PCBP3: variants seen among roughly 807,000 people sequenced by gnomAD.
The protein encoded by PCBP3 is poly(rC) binding protein 3, also known as poly(rC)-binding protein 3.
A neutral mutation model predicts 52.7 loss-of-function variants in PCBP3; 25 were observed. That is an observed-to-expected ratio of 0.47 (90% CI 0.35 to 0.66). The LOEUF (loss-of-function observed/expected upper bound fraction) is 0.66, where lower values mean the gene tolerates loss of function less well. PCBP3 is among the 30% of genes least tolerant of loss of function. The pLI is 0.01. For synonymous variants in PCBP3, 162 were observed against 183.0 expected (o/e 0.89, Z 0.93); for missense variants, 391 against 490.3 (o/e 0.80, Z 1.91).
Position 45,940,016 on chromosome 21 carries a change from G to T in PCBP3, c.910-14G>T, listed in dbSNP as rs760260973. ...GGGCTGTTCTCTAAGAAATCCCCCC[G>T]TCCTTGTTTCTAGCTAATAGGCTGC... On this transcript the variant is annotated splice_polypyrimidine_tract_variant and intron_variant, in intron 16 of 17. Transcript: ENST00000681687. 6.2e-7 allele frequency: 1 copy of T among 1,610,512 alleles called. No homozygotes were observed. The highest frequency in any genetic ancestry group is 1.7e-5 in the Admixed American group (1 of 59,894).
chr21:45,917,255 A>C lies in PCBP3; in HGVS notation c.676-333A>C. 4.0e-6 allele frequency: 1 copy of C among 252,030 alleles called. No homozygotes were observed. The highest frequency in any genetic ancestry group is 6.9e-6 in the Non-Finnish European group (1 of 145,032). 15.6% of individuals were successfully genotyped at this position (252,030 alleles called of 1,614,324 possible). On this transcript the variant is annotated intron_variant, in intron 12 of 17. Transcript: ENST00000681687. The surrounding 1 kb of genome is among the most constrained non-coding windows in gnomAD (Gnocchi z 5.3). ...GACTGATTAAATTTTCAAAACCGTA[A>C]TAATTAGTGGAGACCTCTTACTGGG... is the stretch of plus-strand genomic sequence containing the variant.
Position 45,837,151 on chromosome 21 carries a change from A to G in PCBP3, c.-125-12810A>G, listed in dbSNP as rs925752059. 1.3e-5 allele frequency among the ~76,000 whole-genome samples: 2 copies of G among 152,244 alleles called. No individual in the cohort carries two copies. Among genetic ancestry groups the G allele is most frequent in the African/African-American group, 4.8e-5 (2 of 41,472 alleles). ...GCGCGGGTACCAATTCCCATCCCCC[A>G]GCAGCGTGTTAGCGCCACGGATGAT... On this transcript the variant is annotated intron_variant, in intron 4 of 17. Coordinates refer to ENST00000681687, the MANE Select transcript of PCBP3 (RefSeq NM_001384156.1). The surrounding 1 kb of genome is among the most constrained non-coding windows in gnomAD (Gnocchi z 4.1).
At chr21:45,650,946 G>A (rs1372564682) in intron 1 of PCBP3, among the ~76,000 whole-genome samples, 1 of 152,078 alleles carries the variant, frequency 6.6e-6, no homozygotes, top group African/African-American at 2.4e-5. Context: ...TCCTCATCCT[G>A]GAAGCAGGGG....
intron 1 of PCBP3, among the ~76,000 whole-genome samples, chr21:45,655,083 G>A (rs891607672): frequency 6.6e-6 from 1 of 151,902 alleles, no homozygotes; most frequent in African/African-American, 2.4e-5. Context: ...CAGTTGTATC[G>A]ATATATGGCA....
chr21:45,899,592 C>A lies in PCBP3; in HGVS notation c.166-7C>A. 1.9e-6 allele frequency: 3 copies of A among 1,598,334 alleles called. No individual in the cohort carries two copies. The highest frequency in any genetic ancestry group is 2.6e-6 in the Non-Finnish European group (3 of 1,169,894). On this transcript the variant is annotated splice_region_variant and splice_polypyrimidine_tract_variant and intron_variant, in intron 6 of 17. Coordinates refer to ENST00000681687, the MANE Select transcript of PCBP3 (RefSeq NM_001384156.1). ...ATCATCTTTCTGTGATTTTTTTTTT[C>A]TTGCAGGAAGTTGGAAGCATCATCG...
chr21:45,711,558 T>G (rs2083840786), intron 2 of PCBP3, among the ~76,000 whole-genome samples: 1 of 152,230 alleles, frequency 6.6e-6, no homozygotes, highest in African/African-American at 2.4e-5. Context: ...TATCTTGTAC[T>G]CCTTGGTAAA....
rs1340746391 is a variant in PCBP3 at position 45,829,090 on chromosome 21, TG to T, written c.-125-20869del. 6.6e-6 allele frequency: 1 copy of T among 152,422 alleles called. No individual in the cohort carries two copies. The highest frequency in any genetic ancestry group is 2.4e-5 in the African/African-American group (1 of 41,448). The allele number at this position is 152,422 out of a possible 1,614,324, so 9.4% of individuals were successfully genotyped here. On this transcript the variant is annotated intron_variant, in intron 4 of 17. Transcript: ENST00000681687. The surrounding 1 kb of genome is among the most constrained non-coding windows in gnomAD (Gnocchi z 5.2). Reference sequence around the variant, plus strand: ...GCTAGTGTAGGAGCTGGGACAGGGATGGAAGGGCCATTGGCCGAGTTTGAGA... The same window carrying T: ...GCTAGTGTAGGAGCTGGGACAGGGATGAAGGGCCATTGGCCGAGTTTGAGA...
At chr21:45,673,412 G>C (rs1003354976) in intron 2 of PCBP3, 1 of 152,068 alleles carries the variant, frequency 6.6e-6, no homozygotes, top group Admixed American at 6.6e-5. Context: ...GAAAAAATAA[G>C]ACACTTCAGT....
intron 4 of PCBP3, among the ~76,000 whole-genome samples, chr21:45,784,801 C>T (rs1195489548): frequency 4.6e-5 from 7 of 152,294 alleles, no homozygotes; most frequent in Admixed American, 1.3e-4. Flanking sequence ...GGCGTGATCT[C>T]GGCTCGCTAC....
At chr21:45,646,093 C>CTCTCTCTCTCTCTTTCTCTCTT in intron 1 of PCBP3, among the ~76,000 whole-genome samples, 1 of 81,428 alleles carries the variant, frequency 1.2e-5, no homozygotes, top group Middle Eastern at 6.1e-3. Context: ...TTCTCTCTCT[C>CTCTCTCTCTCTCTTTCTCTCTT]TCTCTCTCTC....
chr21:45,767,627 G>GT (rs889050558), intron 4 of PCBP3, among the ~76,000 whole-genome samples: 166 of 152,356 alleles, frequency 1.1e-3, no homozygotes, highest in African/African-American at 3.9e-3. Context: ...GCACTGCACT[G>GT]TTTTGCCTTC....
Position 45,764,322 on chromosome 21 carries a change from A to G in PCBP3, c.-126+8870A>G, listed in dbSNP as rs2089063003. On this transcript the variant is annotated intron_variant, in intron 4 of 17. Transcript: ENST00000681687. Reference sequence around the variant, plus strand: ...TTTTTAGTAGAAATGGGGTTTCTCCATGTTGGCCAGGCTGGTCTCGAACTC... The same window carrying G: ...TTTTTAGTAGAAATGGGGTTTCTCCGTGTTGGCCAGGCTGGTCTCGAACTC... 2.0e-5 allele frequency among the ~76,000 whole-genome samples: 3 copies of G among 152,096 alleles called. No individual in the cohort carries two copies. In the South Asian group the frequency reaches 6.2e-4, roughly 32 times the overall value.
At chr21:45,870,576 A>G (rs2094960260) in intron 5 of PCBP3, among the ~76,000 whole-genome samples, 1 of 152,126 alleles carries the variant, frequency 6.6e-6, no homozygotes, top group South Asian at 2.1e-4. Flanking sequence ...GGTTGGGAGC[A>G]GCTCTGGTTG....
chr21:45,797,730 C>T (rs796610952), intron 4 of PCBP3, among the ~76,000 whole-genome samples: 81 of 11,674 alleles, frequency 6.9e-3, no homozygotes, highest in Middle Eastern at 0.062. Context: ...CATGGATGGA[C>T]GAGTGCGTGG....
Position 45,656,676 on chromosome 21 carries a change from AT to A in PCBP3, c.-278-12197del, listed in dbSNP as rs1376169965. Among the ~76,000 whole-genome samples the A allele has an allele frequency of 1.3e-5, 2 of 152,170 alleles. No individual in the cohort carries two copies. Among genetic ancestry groups the A allele is most frequent in the African/African-American group, 4.8e-5 (2 of 41,438 alleles). On this transcript the variant is annotated intron_variant, in intron 1 of 17. Coordinates refer to ENST00000681687, the MANE Select transcript of PCBP3 (RefSeq NM_001384156.1). The surrounding 1 kb of genome is among the most constrained non-coding windows in gnomAD (Gnocchi z 4.3). ...AAAATAGCTGAAAACAAAAACAAAA[AT>A]AAATAAATCCTTTGCCCATTTAAAA...
rs755585081 is a variant in PCBP3 at position 45,764,411 on chromosome 21, C to T, written c.-126+8959C>T. 9.2e-5 allele frequency among the ~76,000 whole-genome samples: 14 copies of T among 152,350 alleles called. No homozygotes were observed. In the East Asian group the frequency reaches 2.3e-3, roughly 25 times the overall value. The stretch of plus-strand genomic sequence containing the variant: ...TGCTGGGATTACAGGCGTGAGCCAC[C>T]GTGGTCGGCCAGTAATACAAAGTTT... On this transcript the variant is annotated intron_variant, in intron 4 of 17. Transcript: ENST00000681687.
intron 4 of PCBP3, among the ~76,000 whole-genome samples, chr21:45,840,933 C>T (rs2093687303): frequency 6.6e-6 from 1 of 152,148 alleles, no homozygotes; most frequent in Non-Finnish European, 1.5e-5. Flanking sequence ...TCTCTTATAC[C>T]ATATTTCACT....
chr21:45,924,810 T>C (rs79545259), intron 13 of PCBP3, among the ~76,000 whole-genome samples: 5 of 36,416 alleles, frequency 1.4e-4, no homozygotes, highest in Middle Eastern at 0.019. Flanking sequence ...CGGGTGTGCG[T>C]GAGGAGATGC....
rs556101062 is a variant in PCBP3 at position 45,781,819 on chromosome 21, A to G, written c.-126+26367A>G. 1.8e-3 allele frequency among the ~76,000 whole-genome samples: 273 copies of G among 152,348 alleles called. 1 individual carries two copies. Among genetic ancestry groups the G allele is most frequent in the Middle Eastern group, 6.8e-3 (2 of 294 alleles). On this transcript the variant is annotated intron_variant, in intron 4 of 17. Transcript: ENST00000681687. ...CATATGTTAAAACATTTCAATTTGC[A>G]TATTTACAATATGTACATTTTATTA...
Sources: allele counts gnomAD v4.1 joint callset (sites outside exome capture counted in the v4.1 genomes callset), GRCh38; gene constraint gnomAD v4.1.1; non-coding constraint Gnocchi (gnomAD v3.1); transcripts MANE v1.5; gene names NCBI Gene and HGNC (gene_info 2026-07-23, HGNC 2026-07-21).